Variants in STAMBP observed in about 807,000 individuals in gnomAD.
STAMBP encodes the protein STAM-binding protein.
STAMBP carries 31 observed loss-of-function variants against 50.7 expected under a neutral mutation model. That is an observed-to-expected ratio of 0.61 (90% CI 0.46 to 0.83). The LOEUF is 0.83. STAMBP is among the 40% of genes least tolerant of loss of function. The probability of loss-of-function intolerance (pLI) is 0.00; values close to 1 mark genes in which losing one functional copy is unlikely to be tolerated. For synonymous variants in STAMBP, 211 were observed against 192.4 expected (o/e 1.10, Z -0.80); for missense variants, 472 against 518.9 (o/e 0.91, Z 0.88).
At chr2:73,832,084 C>CAT (rs67469518) in intron 2 of STAMBP, among the ~76,000 whole-genome samples, 7,446 of 118,396 alleles carry the variant, frequency 0.063, 455 homozygotes, top group African/African-American at 0.095. Flanking sequence ...GAGTAGGTAA[C>CAT]ATATATATAT....
chr2:73,852,881 G>A (rs987668055), intron 7 of STAMBP, among the ~76,000 whole-genome samples: 2 of 136,116 alleles, frequency 1.5e-5, no homozygotes, highest in Non-Finnish European at 3.2e-5. Flanking sequence ...GTGTGTGTGT[G>A]TATTTTTAGT....
Position 73,859,262 on chromosome 2 carries a change from C to T in STAMBP, c.1014C>T (p.Pro338=), listed in dbSNP as rs1377826937. The change falls in exon 8 of 10, where the codon CCC becomes CCT. Residue 338 remains proline (P), a synonymous_variant. Transcript: ENST00000394070. ...LITLGWIHTH[P]TQTAFLSSVD... is the part of the protein sequence containing the mutation. ...TCTTTTTCTCTCCTCAGACTCACCC[C>T]ACACAGACCGCGTTTCTCTCCAGTG... The T allele has an allele frequency of 6.2e-7, 1 of 1,614,044 alleles. No homozygotes were observed. The highest frequency in any genetic ancestry group is 8.5e-7 in the Non-Finnish European group (1 of 1,179,918).
chr2:73,849,217 G>A, intron 5 of STAMBP, 146 bp from the exon 6 acceptor site: 1 of 1,133,652 alleles, frequency 8.8e-7, no homozygotes, highest in Non-Finnish European at 1.3e-6. Context: ...TTTTTTTGGT[G>A]CCATTAGAAT....
At chr2:73,857,978 C>A (rs868297079) in intron 7 of STAMBP, among the ~76,000 whole-genome samples, 7 of 151,628 alleles carry the variant, frequency 4.6e-5, no homozygotes, top group Middle Eastern at 3.2e-3. Context: ...GTTTATACTC[C>A]TTATTTCTTT....
chr2:73,864,475 C>CA lies in STAMBP; in HGVS notation c.*2216_*2217insA, dbSNP rs1678680763. ...CTAAGTGTCTCTGTCTTCATCTTAC[C>CA]TCTGTGGAGGAGACGTGGAATCAAG... On this transcript the variant is annotated 3_prime_UTR_variant, in exon 10 of 10. Transcript: ENST00000394070. 1 of 152,264 alleles carries CA rather than the reference C, an allele frequency of 6.6e-6. No homozygotes were observed. The highest frequency in any genetic ancestry group is 1.5e-5 in the Non-Finnish European group (1 of 68,126). 9.4% of individuals were successfully genotyped at this position (152,264 alleles called of 1,614,324 possible).
chr2:73,843,047 G>A (rs1675599278), intron 2 of STAMBP, among the ~76,000 whole-genome samples: 3 of 152,074 alleles, frequency 2.0e-5, no homozygotes, highest in African/African-American at 7.2e-5. Flanking sequence ...TAAGATGAGA[G>A]TTCTACTGAA....
intron 3 of STAMBP, 34 bp downstream of exon 3, chr2:73,844,922 AG>A (rs781764198): frequency 6.2e-7 from 1 of 1,610,162 alleles, no homozygotes; most frequent in South Asian, 1.1e-5. Context: ...CCCATCTAAA[AG>A]CTTCAGAGCA....
At chr2:73,841,407 T>A (rs1293103844) in intron 2 of STAMBP, among the ~76,000 whole-genome samples, 1 of 152,118 alleles carries the variant, frequency 6.6e-6, no homozygotes, top group Non-Finnish European at 1.5e-5. Flanking sequence ...ATAGCAAATA[T>A]TGACTATGTT....
chr2:73,869,774 A>T (rs1679130201), downstream of STAMBP, among the ~76,000 whole-genome samples: 1 of 152,204 alleles, frequency 6.6e-6, no homozygotes, highest in Admixed American at 6.5e-5. Flanking sequence ...CTATAAGTTA[A>T]AGTAATTTGA....
intron 5 of STAMBP, 105 bp downstream of exon 5, chr2:73,847,858 T>C (rs1573330360): frequency 1.4e-6 from 2 of 1,427,030 alleles, no homozygotes; most frequent in East Asian, 4.6e-5. Flanking sequence ...TCATTAAGCT[T>C]TGGTCACAGA....
intron 7 of STAMBP, among the ~76,000 whole-genome samples, chr2:73,858,286 C>T (rs933376253): frequency 1.3e-5 from 2 of 150,520 alleles, no homozygotes; most frequent in Non-Finnish European, 3.0e-5. Context: ...TTACAGGTGC[C>T]CGCCACCACG....
intron 2 of STAMBP, among the ~76,000 whole-genome samples, chr2:73,838,266 A>G (rs1489725401): frequency 1.3e-5 from 2 of 152,236 alleles, no homozygotes; most frequent in South Asian, 2.1e-4. Context: ...GAAAGTAGCC[A>G]TAGACAACAC....
chr2:73,833,977 G>A (rs139227690), intron 2 of STAMBP, among the ~76,000 whole-genome samples: 3,051 of 151,662 alleles, frequency 0.02, 105 homozygotes, highest in African/African-American at 0.067. Context: ...TTGGGAGGCC[G>A]AAGTGGATGG....
chr2:73,853,574 T>C (rs1558585708), intron 7 of STAMBP, among the ~76,000 whole-genome samples: 1 of 152,014 alleles, frequency 6.6e-6, no homozygotes, highest in Non-Finnish European at 1.5e-5. Context: ...ACACAAAAAT[T>C]AGCTGGACAT....
At chr2:73,858,271 T>G (rs891069579) in intron 7 of STAMBP, among the ~76,000 whole-genome samples, 2 of 149,790 alleles carry the variant, frequency 1.3e-5, no homozygotes, top group African/African-American at 4.9e-5. Flanking sequence ...CCCGAATAGC[T>G]GAGATTACAG....
rs557168874 is a variant in STAMBP, at chr2:73,866,506, A to G, written c.*4247A>G. ...AACATGCCTTGCAGTCAGTATAGGC[A>G]CTTAACCTTATTGATCAGTTGTTCC... On this transcript the variant is annotated 3_prime_UTR_variant, in exon 10 of 10. Transcript: ENST00000394070. 4 of 152,352 alleles carry G rather than the reference A, an allele frequency of 2.6e-5. No individual in the cohort carries two copies. The highest frequency in any genetic ancestry group is 9.6e-5 in the African/African-American group (4 of 41,570). The allele number at this position is 152,352 out of a possible 1,614,324, so 9.4% of individuals were successfully genotyped here. A position where few individuals can be genotyped will look rare whatever the true frequency, so the allele number is the denominator to read the frequency against.
chr2:73,847,227 C>T (rs983591695), intron 4 of STAMBP, among the ~76,000 whole-genome samples, 160 bp from the exon 5 acceptor site: 3 of 152,098 alleles, frequency 2.0e-5, no homozygotes, highest in Admixed American at 6.6e-5. Flanking sequence ...GACTACACTC[C>T]GTGGGTATAA....
intron 2 of STAMBP, among the ~76,000 whole-genome samples, chr2:73,832,108 T>TATATATATACAC (rs1006072205): frequency 1.6e-5 from 2 of 122,902 alleles, no homozygotes; most frequent in African/African-American, 3.5e-5. Flanking sequence ...TATATATATA[T>TATATATATACAC]ACACATATAT....
intron 2 of STAMBP, among the ~76,000 whole-genome samples, chr2:73,832,767 T>C (rs529630753): frequency 6.6e-6 from 1 of 152,286 alleles, no homozygotes; most frequent in South Asian, 2.1e-4. Flanking sequence ...CTCCCCGCAG[T>C]GTGACAACCA....
Sources: allele counts gnomAD v4.1 joint callset (sites outside exome capture counted in the v4.1 genomes callset), GRCh38; gene constraint gnomAD v4.1.1; transcripts MANE v1.5; gene names NCBI Gene and HGNC (gene_info 2026-07-23, HGNC 2026-07-21).